The following EPHA4 variants were observed in gnomAD, a reference collection of about 807,000 sequenced individuals.
EPHA4 encodes the protein EPH receptor A4, also known as ephrin type-A receptor 4.
In EPHA4, 19 loss-of-function variants were observed where a neutral mutation model predicts 108.3. The observed-to-expected ratio is 0.18, with a 90% CI of 0.12 to 0.26. The LOEUF is 0.26. EPHA4 is among the 10% of genes least tolerant of loss of function. The pLI is 1.00. For missense variants in EPHA4, 917 were observed against 1,254.0 expected, an observed-to-expected ratio of 0.73 and a Z score of 4.06; for synonymous variants, 449 against 455.5, an observed-to-expected ratio of 0.99 and a Z score of 0.18.
chr2:221,553,891 CA>C (rs1172973785), intron 3 of EPHA4, among the ~76,000 whole-genome samples: 1 of 152,168 alleles, frequency 6.6e-6, no homozygotes. Context: ...TACAAGCAAA[CA>C]GGATTATCTG....
chr2:221,431,350 G>A (rs1317911428), intron 14 of EPHA4, among the ~76,000 whole-genome samples: 1 of 152,206 alleles, frequency 6.6e-6, no homozygotes, highest in Admixed American at 6.5e-5. Flanking sequence ...TGACTGCTCA[G>A]AAATTGGCCT....
chr2:221,504,555 A>G (rs954312145), intron 3 of EPHA4, among the ~76,000 whole-genome samples: 4 of 151,256 alleles, frequency 2.6e-5, no homozygotes, highest in East Asian at 1.9e-4. Flanking sequence ...ATATATATAT[A>G]TATATATATG....
Position 221,432,004 on chromosome 2 carries a change from A to C in EPHA4, c.2497-1853T>G, listed in dbSNP as rs575862737. On this transcript the variant is annotated intron_variant, in intron 14 of 17. Transcript: ENST00000281821. The stretch of plus-strand genomic sequence containing the variant: ...TTGATTCCTGTTCTACATAGAATCC[A>C]ACACAGAGACAAATAATAGATCAAT... Among the ~76,000 whole-genome samples, 9 of 152,278 alleles carry C rather than the reference A, an allele frequency of 5.9e-5. No homozygotes were observed. The South Asian group carries it at 1.4e-3, about 25-fold the overall frequency.
At chr2:221,441,466 G>A (rs558133926) in intron 11 of EPHA4, among the ~76,000 whole-genome samples, 18 of 151,842 alleles carry the variant, frequency 1.2e-4, no homozygotes, top group East Asian at 9.7e-4. Flanking sequence ...TCCCCATCCC[G>A]CTGAGAGCCA....
chr2:221,450,826 C>T (rs1050334782), intron 8 of EPHA4, among the ~76,000 whole-genome samples: 5 of 152,212 alleles, frequency 3.3e-5, no homozygotes, highest in African/African-American at 1.2e-4. Context: ...ATCAGTAATA[C>T]TTTCCCTCAC....
chr2:221,426,673 A>C, intron 15 of EPHA4, 54 bp from the exon 16 acceptor site: 3 of 1,519,814 alleles, frequency 2.0e-6, no homozygotes, highest in Non-Finnish European at 2.7e-6. Context: ...TGAGACAAGA[A>C]GACTCAGAAA....
intron 3 of EPHA4, among the ~76,000 whole-genome samples, chr2:221,527,310 C>T (rs1693365587): frequency 6.6e-6 from 1 of 152,092 alleles, no homozygotes; most frequent in Non-Finnish European, 1.5e-5. Flanking sequence ...TTAATGTCCA[C>T]GTGCACATAT....
chr2:221,512,085 T>C (rs1029696905), intron 3 of EPHA4, among the ~76,000 whole-genome samples: 2 of 152,294 alleles, frequency 1.3e-5, no homozygotes, highest in Admixed American at 6.5e-5. Context: ...ATTAATTCTA[T>C]TGGAGATATA....
intron 11 of EPHA4, among the ~76,000 whole-genome samples, chr2:221,440,364 C>G (rs893464392): frequency 6.6e-6 from 1 of 152,060 alleles, no homozygotes; most frequent in Non-Finnish European, 1.5e-5. Context: ...TCACTGTCTG[C>G]GACAGGAAAA....
chr2:221,573,799 G>C (rs887868792), upstream of EPHA4: 2 of 152,258 alleles, frequency 1.3e-5, no homozygotes, highest in Non-Finnish European at 1.5e-5. This position sits in a 1 kb window ranked among gnomAD's most constrained non-coding sequence, Gnocchi z 4.5. Flanking sequence ...GCGTGCGTTT[G>C]GGCGAGCTTT....
At chr2:221,438,261 C>T (rs970338475) in intron 11 of EPHA4, among the ~76,000 whole-genome samples, 1 of 151,826 alleles carries the variant, frequency 6.6e-6, no homozygotes, top group Non-Finnish European at 1.5e-5. Flanking sequence ...CACAAAAGTC[C>T]GCTTTCTGAG....
At chr2:221,522,767 ATTATTATTT>A (rs1291614694) in intron 3 of EPHA4, among the ~76,000 whole-genome samples, 36 of 101,122 alleles carry the variant, frequency 3.6e-4, no homozygotes, top group Admixed American at 1.6e-3. Flanking sequence ...TATTATTATT[ATTATTATTT>A]TTTTGAGACG....
intron 16 of EPHA4, 159 bp from the exon 17 acceptor site, chr2:221,426,301 A>G: frequency 2.9e-6 from 3 of 1,022,598 alleles, no homozygotes; most frequent in East Asian, 2.6e-5. Flanking sequence ...TAATGCAAGA[A>G]TGTAGATACT....
chr2:221,428,317 C>T (rs1198039259), intron 15 of EPHA4, among the ~76,000 whole-genome samples: 1 of 152,168 alleles, frequency 6.6e-6, no homozygotes, highest in Non-Finnish European at 1.5e-5. Context: ...GGTAGCACAC[C>T]ATGATGTTAG....
At chr2:221,478,547 C>T (rs953020530) in intron 5 of EPHA4, among the ~76,000 whole-genome samples, 5 of 152,218 alleles carry the variant, frequency 3.3e-5, no homozygotes, top group African/African-American at 1.2e-4. Flanking sequence ...AGAGCTTCCT[C>T]TTCTCCAATT....
chr2:221,443,058 CAAGATGA>C (rs58823051), intron 10 of EPHA4, 44 bp from the exon 11 acceptor site: 363,108 of 1,574,550 alleles, frequency 0.23, 43,510 homozygotes, highest in Non-Finnish European at 0.25. Flanking sequence ...GAAACACATT[CAAGATGA>C]AAGAATAACA....
intron 3 of EPHA4, among the ~76,000 whole-genome samples, chr2:221,544,627 C>T (rs892224534): frequency 1.2e-4 from 19 of 152,118 alleles, no homozygotes; most frequent in Non-Finnish European, 8.8e-5. Flanking sequence ...AGGCTACAGG[C>T]TTGTTCACAA....
chr2:221,483,415 AACATACTG>A (rs1176479944), intron 4 of EPHA4, among the ~76,000 whole-genome samples: 3 of 152,116 alleles, frequency 2.0e-5, no homozygotes, highest in Non-Finnish European at 4.4e-5. Flanking sequence ...GATTACCGAC[AACATACTG>A]GTTGGTTAAA....
chr2:221,472,773 A>G (rs1319999630), intron 5 of EPHA4, among the ~76,000 whole-genome samples: 6 of 152,314 alleles, frequency 3.9e-5, no homozygotes, highest in Non-Finnish European at 8.8e-5. Flanking sequence ...TCGTGTCTCT[A>G]TAATTTTACA....
Sources: allele counts gnomAD v4.1 joint callset (sites outside exome capture counted in the v4.1 genomes callset), GRCh38; gene constraint gnomAD v4.1.1; non-coding constraint Gnocchi (gnomAD v3.1); transcripts MANE v1.5; gene names NCBI Gene and HGNC (gene_info 2026-07-23, HGNC 2026-07-21).